Variants in ERC1 observed in about 807,000 individuals in gnomAD.
The protein encoded by ERC1 is ELKS/RAB6-interacting/CAST family member 1.
In ERC1, 56 loss-of-function variants were observed where a neutral mutation model predicts 132.0. The observed-to-expected ratio is 0.42, with a 90% CI of 0.34 to 0.53. The LOEUF (loss-of-function observed/expected upper bound fraction) is 0.53, where lower values mean the gene tolerates loss of function less well. Ranked by LOEUF, ERC1 falls within the 20% of genes least tolerant of loss-of-function variation. ERC1 has a pLI of 0.03. For missense variants in ERC1, 1,202 were observed against 1,349.9 expected (o/e 0.89, Z 1.72); for synonymous variants, 478 against 476.1 (o/e 1.00, Z -0.05).
chr12:1,441,247 G>C (rs1164270416), intron 17 of ERC1, among the ~76,000 whole-genome samples: 1 of 151,576 alleles, frequency 6.6e-6, no homozygotes, highest in Admixed American at 6.6e-5. Context: ...TTTTAGTAGA[G>C]ATGGGGTTTC....
intron 13 of ERC1, among the ~76,000 whole-genome samples, chr12:1,243,656 G>A (rs1468655980): frequency 1.2e-4 from 18 of 152,158 alleles, no homozygotes; most frequent in Admixed American, 7.9e-4. Context: ...CAGTTTTGGC[G>A]CTAAGGAATC....
At chr12:1,030,082 CTT>C (rs1158570857) in intron 2 of ERC1, among the ~76,000 whole-genome samples, 1 of 152,068 alleles carries the variant, frequency 6.6e-6, no homozygotes, top group East Asian at 1.9e-4. Flanking sequence ...GAATTTTTCT[CTT>C]TTCACATTTT....
intron 3 of ERC1, among the ~76,000 whole-genome samples, chr12:1,094,415 C>CTCTCTT (rs376372967): frequency 6.5e-5 from 9 of 138,032 alleles, no homozygotes; most frequent in East Asian, 2.2e-4. Flanking sequence ...CCTTCTCTCT[C>CTCTCTT]TTTTTTTTTT....
chr12:1,247,039 G>A (rs186461624), intron 13 of ERC1, among the ~76,000 whole-genome samples: 1 of 152,182 alleles, frequency 6.6e-6, no homozygotes, highest in Non-Finnish European at 1.5e-5. Context: ...TGAAGAGGGA[G>A]GATCACTTGA....
chr12:1,115,865 G>C lies in ERC1; in HGVS notation c.1402-1G>C. On this transcript the variant is annotated splice_acceptor_variant, in intron 6 of 18. Transcript: ENST00000360905. LOFTEE classifies it high-confidence loss of function. Reference sequence around the variant, plus strand: ...CTTAAAGTGTTTTACTTCTTTTCTAGATTGGCCAGGTGAAACAGGAGCTGT... The same window carrying C: ...CTTAAAGTGTTTTACTTCTTTTCTACATTGGCCAGGTGAAACAGGAGCTGT... 6.2e-7 allele frequency: 1 copy of C among 1,611,980 alleles called. No individual in the cohort carries two copies. Among genetic ancestry groups the C allele is most frequent in the Non-Finnish European group, 8.5e-7 (1 of 1,179,114 alleles).
intron 8 of ERC1, among the ~76,000 whole-genome samples, chr12:1,174,995 A>G (rs974839667): frequency 6.6e-6 from 1 of 152,280 alleles, no homozygotes; most frequent in Non-Finnish European, 1.5e-5. Context: ...CAGAGCATAT[A>G]AAAAGTTATG....
In ERC1 at chr12:1,081,036, A is replaced by G. The variant is rs139192059; in HGVS notation, c.670-2128A>G. Reference sequence around the variant, plus strand: ...AAAGATGGTGACATGTCTAAATGTCATAACTAGTCAGCGTGAGAGTCAGAA... The same window carrying G: ...AAAGATGGTGACATGTCTAAATGTCGTAACTAGTCAGCGTGAGAGTCAGAA... On this transcript the variant is annotated intron_variant, in intron 2 of 18. Transcript: ENST00000360905. Among the ~76,000 whole-genome samples, 317 of 150,826 alleles carry G rather than the reference A, an allele frequency of 2.1e-3. 10 individuals carry two copies. The East Asian group carries it at 0.048, about 23-fold the overall frequency.
chr12:1,400,996 C>T (rs1417049777), intron 16 of ERC1, among the ~76,000 whole-genome samples: 13 of 115,750 alleles, frequency 1.1e-4, no homozygotes, highest in Admixed American at 3.9e-4. Flanking sequence ...AGTGCAGTGG[C>T]GTGATCTGGG....
chr12:1,002,713 G>A (rs568205348), intron 1 of ERC1, among the ~76,000 whole-genome samples: 6 of 152,148 alleles, frequency 3.9e-5, no homozygotes, highest in South Asian at 2.1e-4. Flanking sequence ...AACTTTAGCC[G>A]TTCTGGTGGA....
At chr12:1,205,833 A>G (rs1042614452) in intron 12 of ERC1, among the ~76,000 whole-genome samples, 2 of 151,956 alleles carry the variant, frequency 1.3e-5, no homozygotes, top group Non-Finnish European at 2.9e-5. Flanking sequence ...CTTCAAGCTG[A>G]CTCATTTTAG....
At chr12:1,222,297 T>C (rs1208719466) in intron 12 of ERC1, among the ~76,000 whole-genome samples, 1 of 151,920 alleles carries the variant, frequency 6.6e-6, no homozygotes, top group East Asian at 1.9e-4. Flanking sequence ...TGGCGCGATC[T>C]TGGCTCACTG....
intron 12 of ERC1, among the ~76,000 whole-genome samples, chr12:1,197,074 G>A (rs1025392006): frequency 5.4e-5 from 8 of 147,698 alleles, no homozygotes; most frequent in Non-Finnish European, 7.4e-5. Context: ...TCCACCTCCC[G>A]GGCTCAAGCG....
intron 2 of ERC1, among the ~76,000 whole-genome samples, chr12:1,058,327 G>T (rs1436959909): frequency 6.6e-6 from 1 of 151,992 alleles, no homozygotes; most frequent in African/African-American, 2.4e-5. Flanking sequence ...ATAGTTTCAG[G>T]TCTTACATTT....
chr12:1,491,913 TCTC>T lies in ERC1; in HGVS notation c.*1686_*1688del, dbSNP rs2094321902. Reference sequence around the variant, plus strand: ...CACCAGAACCCAGCAGACACTCACATCTCCTGATAAGAGTTGCTGGACTCGATG... The same window carrying T: ...CACCAGAACCCAGCAGACACTCACATCTGATAAGAGTTGCTGGACTCGATG... On this transcript the variant is annotated 3_prime_UTR_variant, in exon 19 of 19. Transcript: ENST00000360905. 1 of 232,578 alleles carries T rather than the reference TCTC, an allele frequency of 4.3e-6. No individual in the cohort carries two copies. The highest frequency in any genetic ancestry group is 8.5e-6 in the Non-Finnish European group (1 of 117,710). The allele number at this position is 232,578 out of a possible 1,614,324, so 14.4% of individuals were successfully genotyped here. A position where few individuals can be genotyped will look rare whatever the true frequency, so the allele number is the denominator to read the frequency against.
At chr12:1,025,712 A>AT (rs532688555) in intron 1 of ERC1, among the ~76,000 whole-genome samples, 6 of 150,960 alleles carry the variant, frequency 4.0e-5, no homozygotes, top group African/African-American at 1.5e-4. Context: ...TTATTGAGTG[A>AT]TTTTTCATTT....
At chr12:1,269,633 G>A (rs899660772) in intron 14 of ERC1, among the ~76,000 whole-genome samples, 12 of 152,112 alleles carry the variant, frequency 7.9e-5, no homozygotes, top group Admixed American at 6.5e-5. Flanking sequence ...GATTGAAAGC[G>A]GGAGGATCAG....
chr12:1,254,930 C>G (rs934411499), intron 13 of ERC1, among the ~76,000 whole-genome samples: 21 of 151,144 alleles, frequency 1.4e-4, no homozygotes, highest in Non-Finnish European at 1.5e-5. Flanking sequence ...GTGGTGAGAA[C>G]ATCTCAAATC....
chr12:1,178,826 A>G (rs1166675870), intron 8 of ERC1, among the ~76,000 whole-genome samples: 2 of 152,106 alleles, frequency 1.3e-5, no homozygotes, highest in African/African-American at 2.4e-5. Context: ...CCCTCCCTCC[A>G]TCATTCATTT....
chr12:1,073,886 G>A (rs1047686679), intron 2 of ERC1, among the ~76,000 whole-genome samples: 1 of 12,012 alleles, frequency 8.3e-5, no homozygotes, highest in Non-Finnish European at 1.7e-4. Flanking sequence ...CCTCCCACCC[G>A]AGACGGAGTC....
Sources: allele counts gnomAD v4.1 joint callset (sites outside exome capture counted in the v4.1 genomes callset), GRCh38; gene constraint gnomAD v4.1.1; transcripts MANE v1.5; gene names NCBI Gene and HGNC (gene_info 2026-07-23, HGNC 2026-07-21).